PDE11A: variants seen among roughly 807,000 people sequenced by gnomAD.
The protein encoded by PDE11A is phosphodiesterase 11A, also known as dual 3',5'-cyclic-AMP and -GMP phosphodiesterase 11A.
A neutral mutation model predicts 100.5 loss-of-function variants in PDE11A; 100 were observed. The observed-to-expected ratio is 1.00, with a 90% CI of 0.85 to 1.18. The LOEUF (loss-of-function observed/expected upper bound fraction) is 1.18, where lower values mean the gene tolerates loss of function less well. PDE11A is among the 50% of genes most tolerant of loss of function. The pLI is 0.00. For missense variants in PDE11A, 1,141 were observed against 1,152.6 expected (o/e 0.99, Z 0.15); for synonymous variants, 381 against 420.8 (o/e 0.91, Z 1.16).
chr2:177,643,436 G>T (rs936639976), intron 19 of PDE11A, among the ~76,000 whole-genome samples: 2 of 152,148 alleles, frequency 1.3e-5, no homozygotes, highest in East Asian at 3.8e-4. Context: ...CTGCCCTAGA[G>T]ATTTGTGGAA....
At chr2:178,071,383 T>A (rs2087126149) in intron 1 of PDE11A, 143 bp downstream of exon 1, 1 of 926,936 alleles carries the variant, frequency 1.1e-6, no homozygotes, top group East Asian at 2.5e-5. Context: ...ACATTCTAAC[T>A]AGTCTAAACT....
At chr2:178,040,626 G>C (rs2086671768) in intron 1 of PDE11A, among the ~76,000 whole-genome samples, 1 of 152,138 alleles carries the variant, frequency 6.6e-6, no homozygotes, top group African/African-American at 2.4e-5. Flanking sequence ...ATGTTAATAG[G>C]AACACTGTGG....
At chr2:178,069,963 G>T (rs144962603) in intron 1 of PDE11A, among the ~76,000 whole-genome samples, 1 of 152,032 alleles carries the variant, frequency 6.6e-6, no homozygotes, top group Admixed American at 6.5e-5. Flanking sequence ...ACTAGGAAGG[G>T]ATTTTTCTTT....
chr2:177,744,569 C>T (rs926188816), intron 10 of PDE11A, among the ~76,000 whole-genome samples: 3 of 152,156 alleles, frequency 2.0e-5, no homozygotes, highest in Non-Finnish European at 4.4e-5. Flanking sequence ...GTTTTCTCTA[C>T]TGAGTCTCTT....
chr2:178,079,745 C>T (rs994891975), intron 2 of PDE11A, among the ~76,000 whole-genome samples: 6 of 152,128 alleles, frequency 3.9e-5, no homozygotes, highest in African/African-American at 1.2e-4. Context: ...AACTAATTTA[C>T]GTTCCCACCA....
At chr2:178,035,048 G>C (rs2086594035) in intron 1 of PDE11A, among the ~76,000 whole-genome samples, 1 of 151,076 alleles carries the variant, frequency 6.6e-6, no homozygotes, top group African/African-American at 2.4e-5. Flanking sequence ...AGGGGATAGA[G>C]ACATGAAAAA....
intron 17 of PDE11A, among the ~76,000 whole-genome samples, chr2:177,674,482 C>T (rs896276255): frequency 6.6e-6 from 1 of 152,228 alleles, no homozygotes; most frequent in African/African-American, 2.4e-5. Flanking sequence ...GCCTTGTCTT[C>T]ACATTGCCTT....
At position 177,625,255 on chromosome 2, in the gene PDE11A, A is replaced by G. The variant is rs563285528; in HGVS notation, c.*4152T>C. 6.5e-6 allele frequency: 1 copy of G among 152,782 alleles called. No homozygotes were observed. The highest frequency in any genetic ancestry group is 1.9e-4 in the East Asian group (1 of 5,192). 9.5% of individuals were successfully genotyped at this position (152,782 alleles called of 1,614,324 possible). A position where few individuals can be genotyped will look rare whatever the true frequency, so the allele number is the denominator to read the frequency against. Reference sequence around the variant, plus strand: ...TGTTGCTATTTTATTTGAGAAGAATAAAAAAGAAAATTATCTGGAAAATTT... The same window carrying G: ...TGTTGCTATTTTATTTGAGAAGAATGAAAAAGAAAATTATCTGGAAAATTT... On this transcript the variant is annotated 3_prime_UTR_variant, in exon 20 of 20. Coordinates refer to ENST00000286063, the MANE Select transcript of PDE11A (RefSeq NM_016953.4).
At position 177,835,269 on chromosome 2, in the gene PDE11A, C is replaced by G. The variant is rs150328699; in HGVS notation, c.1500+4982G>C. 6.1e-4 allele frequency among the ~76,000 whole-genome samples: 93 copies of G among 152,264 alleles called. 1 individual carries two copies. The highest frequency in any genetic ancestry group is 2.1e-3 in the African/African-American group (89 of 41,576). ...ATTAGGGACACCTTATCCTGTCTTC[C>G]TAGCTGGGTAACCATTCATCTTTAG... On this transcript the variant is annotated intron_variant, in intron 6 of 19. Transcript: ENST00000286063.
At chr2:178,077,905 G>T (rs1375571219) in intron 2 of PDE11A, among the ~76,000 whole-genome samples, 2 of 151,684 alleles carry the variant, frequency 1.3e-5, no homozygotes, top group Admixed American at 6.6e-5. Context: ...CTAGAAGAGA[G>T]GCATGAAACA....
intron 10 of PDE11A, among the ~76,000 whole-genome samples, chr2:177,748,069 A>G (rs2081977852): frequency 6.6e-6 from 1 of 152,120 alleles, no homozygotes; most frequent in South Asian, 2.1e-4. Context: ...ATTGGACTCT[A>G]ATTGGTAGCA....
intron 2 of PDE11A, among the ~76,000 whole-genome samples, chr2:177,906,548 C>A (rs1008886858): frequency 3.3e-5 from 5 of 152,130 alleles, no homozygotes; most frequent in African/African-American, 1.2e-4. Flanking sequence ...GCTATGACCT[C>A]ATTTTTAAAG....
At chr2:177,943,880 C>T (rs191390303) in intron 2 of PDE11A, among the ~76,000 whole-genome samples, 1 of 152,240 alleles carries the variant, frequency 6.6e-6, no homozygotes, top group African/African-American at 2.4e-5. Flanking sequence ...GGTCTTTAAT[C>T]CATTTTGGGT....
intron 2 of PDE11A, among the ~76,000 whole-genome samples, chr2:177,906,568 A>G (rs1029751346): frequency 1.3e-5 from 2 of 152,218 alleles, no homozygotes; most frequent in African/African-American, 4.8e-5. Context: ...GAAGATAGAG[A>G]AACAATGGGA....
chr2:178,072,896 C>A, upstream of PDE11A: 1 of 1,129,838 alleles, frequency 8.9e-7, no homozygotes, highest in Non-Finnish European at 1.1e-6. Flanking sequence ...CCAAAGTCCA[C>A]GGCCCAGGCT....
chr2:177,874,940 G>A (rs1469459466), intron 5 of PDE11A, among the ~76,000 whole-genome samples: 1 of 152,102 alleles, frequency 6.6e-6, no homozygotes, highest in Non-Finnish European at 1.5e-5. Flanking sequence ...ACATTACAAG[G>A]TGGCCGGGCA....
At chr2:178,040,765 T>C (rs2086673892) in intron 1 of PDE11A, among the ~76,000 whole-genome samples, 1 of 152,214 alleles carries the variant, frequency 6.6e-6, no homozygotes, top group Non-Finnish European at 1.5e-5. Flanking sequence ...CATTACCATT[T>C]ATTACAGATA....
intron 15 of PDE11A, among the ~76,000 whole-genome samples, chr2:177,681,741 A>G (rs1406664067): frequency 6.6e-6 from 1 of 152,202 alleles, no homozygotes; most frequent in Non-Finnish European, 1.5e-5. Flanking sequence ...GACATGTCTC[A>G]TTATTCCTTC....
At chr2:178,037,718 G>T (rs1293446605) in intron 1 of PDE11A, among the ~76,000 whole-genome samples, 1 of 152,152 alleles carries the variant, frequency 6.6e-6, no homozygotes, top group Non-Finnish European at 1.5e-5. Flanking sequence ...CATGTCCTTT[G>T]CAGGGACATG....
Sources: gnomAD v4.1 joint callset for allele counts (sites outside exome capture counted in the v4.1 genomes callset) on GRCh38, gnomAD v4.1.1 for gene constraint, MANE v1.5 for transcripts, NCBI Gene and HGNC (gene_info 2026-07-23, HGNC 2026-07-21) for gene names.